Variants in LAMA1 observed in about 807,000 individuals in gnomAD.
LAMA1 encodes laminin subunit alpha 1.
Under a neutral mutation model 348.7 loss-of-function variants are expected in LAMA1, and 219 were observed. The observed-to-expected ratio is 0.63, with a 90% CI of 0.56 to 0.70. The LOEUF (loss-of-function observed/expected upper bound fraction) is 0.70. LAMA1 is among the 30% of genes least tolerant of loss of function. LAMA1 has a pLI of 0.00. For missense variants in LAMA1, 3,744 were observed against 3,888.0 expected (o/e 0.96, Z 0.99); for synonymous variants, 1,487 against 1,491.0 (o/e 1.00, Z 0.06).
chr18:6,955,402 G>C lies in LAMA1; in HGVS notation c.8158C>G (p.Gln2720Glu). 6.2e-7 allele frequency: 1 copy of C among 1,614,122 alleles called. No homozygotes were observed. Among genetic ancestry groups the C allele is most frequent in the Non-Finnish European group, 8.5e-7 (1 of 1,180,026 alleles). Reference protein sequence around the residue: ...VPGAHQFGLTQNSHFILPFNQ... With the variant: ...VPGAHQFGLTENSHFILPFNQ... ...AAAGGCAAGATGAAATGGCTGTTTTGTGTGAGACCAAACTGGTGAGCGCCG... is the reference window on the plus strand; with the variant it reads ...AAAGGCAAGATGAAATGGCTGTTTTCTGTGAGACCAAACTGGTGAGCGCCG... The change falls in exon 57 of 63, where the codon CAA (glutamine) becomes GAA (glutamate). Residue 2720 changes from glutamine (Q) to glutamate (E), a missense_variant. By Grantham distance (29) the Gln-to-Glu change is conservative. Transcript: ENST00000389658.
Position 6,985,373 on chromosome 18 carries a change from G to A in LAMA1, c.5524C>T (p.Leu1842Phe). 2 of 1,614,206 alleles carry A rather than the reference G, an allele frequency of 1.2e-6. No homozygotes were observed. The highest frequency in any genetic ancestry group is 8.5e-7 in the Non-Finnish European group (1 of 1,180,042). The change falls in exon 39 of 63, where the codon CTT (leucine) becomes TTT (phenylalanine). Residue 1842 changes from leucine (L) to phenylalanine (F), a missense_variant. By Grantham distance (22) the Leu-to-Phe change is conservative (BLOSUM62 0). This residue lies in a region of LAMA1 where 1,983 missense variants were observed against 1,934.3 expected (regional missense o/e 1.03). Coordinates refer to ENST00000389658, the MANE Select transcript of LAMA1 (RefSeq NM_005559.4). The stretch of plus-strand genomic sequence containing the variant: ...TGCCTGATTTTGGCAGACCATAAAA[G>A]TAGCTTATCCTGGTGATCCTCTAAG... ...EHLEDHQDKL[L>F]LWSAKIRHHI...
At chr18:7,098,878 G>T (rs1364420696) in intron 1 of LAMA1, among the ~76,000 whole-genome samples, 1 of 142,356 alleles carries the variant, frequency 7.0e-6, no homozygotes, top group Non-Finnish European at 1.5e-5. Context: ...CAGCCGCCCC[G>T]TCCGGGAGGT....
intron 3 of LAMA1, among the ~76,000 whole-genome samples, chr18:7,064,353 A>G (rs2058114073): frequency 6.6e-6 from 1 of 152,178 alleles, no homozygotes; most frequent in South Asian, 2.1e-4. Context: ...TAAGTTGAAA[A>G]TGAGTAGGAA....
At chr18:7,020,823 C>T (rs995758379) in intron 19 of LAMA1, among the ~76,000 whole-genome samples, 1 of 152,220 alleles carries the variant, frequency 6.6e-6, no homozygotes, top group Non-Finnish European at 1.5e-5. Context: ...CCTAACCCAA[C>T]ACCCCTGGCA....
chr18:6,951,090 G>T, intron 57 of LAMA1, 119 bp from the exon 58 acceptor site: 1 of 864,710 alleles, frequency 1.2e-6, no homozygotes, highest in Non-Finnish European at 1.9e-6. Flanking sequence ...GGAGAGAGGG[G>T]TATTCATTCC....
chr18:7,115,656 CAAAATCGTTTCTTAAAAAAAAAA>C lies in LAMA1; in HGVS notation c.61+1981_61+2003del, dbSNP rs569686106. On this transcript the variant is annotated intron_variant, in intron 1 of 62. Transcript: ENST00000389658. ...AATCATTCATGCTATTCATGGGGCA[CAAAATCGTTTCTTAAAAAAAAAA>C]AAAAAATCAGGCCGGGCGCGGCGGC... Among the ~76,000 whole-genome samples, 18 of 148,106 alleles carry C rather than the reference CAAAATCGTTTCTTAAAAAAAAAA, an allele frequency of 1.2e-4. No individual in the cohort carries two copies. The South Asian group carries it at 3.9e-3, about 32-fold the overall frequency.
chr18:7,108,840 T>A (rs140924591), intron 1 of LAMA1, among the ~76,000 whole-genome samples: 144 of 152,006 alleles, frequency 9.5e-4, no homozygotes, highest in African/African-American at 3.2e-3. Flanking sequence ...AAAGCAAAGG[T>A]AAAAATGGCA....
intron 1 of LAMA1, among the ~76,000 whole-genome samples, chr18:7,097,985 T>G (rs28548125): frequency 0.89 from 129,849 of 146,584 alleles, 57,619 homozygotes; most frequent in Admixed American, 0.92. Flanking sequence ...TCAGCCTGCC[T>G]AGTGCCTGCG....
chr18:6,975,095 A>T, intron 45 of LAMA1, 59 bp from the exon 46 acceptor site: 1 of 1,572,758 alleles, frequency 6.4e-7, no homozygotes, highest in Non-Finnish European at 8.7e-7. Context: ...GCTGACCACC[A>T]CAACACTTTA....
chr18:7,090,546 C>A (rs1568063911), intron 1 of LAMA1, among the ~76,000 whole-genome samples: 2 of 152,046 alleles, frequency 1.3e-5, no homozygotes, highest in Admixed American at 1.3e-4. Flanking sequence ...TCATTGATGG[C>A]TGTTAGTAAA....
At chr18:7,100,918 G>C (rs901578198) in intron 1 of LAMA1, among the ~76,000 whole-genome samples, 2 of 152,098 alleles carry the variant, frequency 1.3e-5, no homozygotes, top group African/African-American at 4.8e-5. Context: ...TCTGAGGCAG[G>C]ACAATCACTT....
intron 17 of LAMA1, among the ~76,000 whole-genome samples, chr18:7,025,507 A>G (rs9949299): frequency 0.066 from 10,052 of 152,204 alleles, 978 homozygotes; most frequent in African/African-American, 0.22. Context: ...TATTCAGAAC[A>G]CCTGCTGTAA....
intron 4 of LAMA1, among the ~76,000 whole-genome samples, chr18:7,050,433 G>A (rs894614358): frequency 6.6e-6 from 1 of 152,176 alleles, no homozygotes; most frequent in Non-Finnish European, 1.5e-5. Context: ...GTGCTGTGGG[G>A]AAGATGCTCT....
chr18:7,006,147 AC>A (rs1290806745), intron 29 of LAMA1, among the ~76,000 whole-genome samples: 1 of 152,164 alleles, frequency 6.6e-6, no homozygotes, highest in Admixed American at 6.5e-5. Flanking sequence ...AACGAATATC[AC>A]ATTATTTTGT....
At position 7,095,558 on chromosome 18, in the gene LAMA1, A is replaced by G. The variant is rs540006360; in HGVS notation, c.62-15101T>C. Among the ~76,000 whole-genome samples the G allele has an allele frequency of 2.0e-5, 3 of 152,278 alleles. No homozygotes were observed. The East Asian group carries it at 5.8e-4, about 29-fold the overall frequency. Reference sequence around the variant, plus strand: ...GAAGGCTGGCAAGTTTAAGGGCCTCATTGGTTTCCAGGAGAGTGCCAGCTC... The same window carrying G: ...GAAGGCTGGCAAGTTTAAGGGCCTCGTTGGTTTCCAGGAGAGTGCCAGCTC... On this transcript the variant is annotated intron_variant, in intron 1 of 62. Transcript: ENST00000389658.
intron 48 of LAMA1, among the ~76,000 whole-genome samples, chr18:6,968,651 A>AT (rs1475933129): frequency 6.6e-6 from 1 of 152,178 alleles, no homozygotes; most frequent in Non-Finnish European, 1.5e-5. Flanking sequence ...GGGTCTTTCC[A>AT]TATTGATTTT....
chr18:6,959,841 T>C (rs2057598813), intron 53 of LAMA1: 2 of 302,190 alleles, frequency 6.6e-6, no homozygotes, highest in Non-Finnish European at 1.3e-5. Context: ...TTTATTACCA[T>C]ACATGTGAAT....
intron 16 of LAMA1, among the ~76,000 whole-genome samples, chr18:7,027,576 A>G (rs1036307393): frequency 2.5e-4 from 34 of 134,022 alleles, no homozygotes; most frequent in African/African-American, 1.3e-3. Context: ...AATCAGGGGA[A>G]AAAAAAAACA....
intron 1 of LAMA1, among the ~76,000 whole-genome samples, chr18:7,098,111 G>A (rs1356379170): frequency 3.4e-5 from 5 of 149,232 alleles, no homozygotes; most frequent in African/African-American, 7.6e-5. Flanking sequence ...TCAGCCTCCC[G>A]AGGTGCCGGG....
Sources: allele counts gnomAD v4.1 joint callset (sites outside exome capture counted in the v4.1 genomes callset), GRCh38; gene constraint gnomAD v4.1.1; regional missense constraint gnomAD v4.1.1; transcripts MANE v1.5; gene names NCBI Gene and HGNC (gene_info 2026-07-23, HGNC 2026-07-21).